The following OXSR1 variants were observed in gnomAD, a reference collection of about 807,000 sequenced individuals.
OXSR1 encodes the protein serine/threonine-protein kinase OSR1.
In OXSR1, 24 loss-of-function variants were observed where a neutral mutation model predicts 79.8. The observed-to-expected ratio is 0.30, with a 90% CI of 0.22 to 0.42. The LOEUF (loss-of-function observed/expected upper bound fraction) is 0.42. Among genes scored for constraint, OXSR1 ranks in the 10% least tolerant of loss-of-function variants. OXSR1 has a pLI of 1.00. For synonymous variants in OXSR1, 226 were observed against 209.2 expected (o/e 1.08, Z -0.69); for missense variants, 430 against 618.4 (o/e 0.70, Z 3.23).
At chr3:38,197,881 ATCTTT>A (rs376243535) in intron 3 of OXSR1, among the ~76,000 whole-genome samples, 10 of 152,246 alleles carry the variant, frequency 6.6e-5, no homozygotes, top group African/African-American at 2.4e-4. Flanking sequence ...TGGGTATTGA[ATCTTT>A]TCTTTGCAGT....
upstream of OXSR1, chr3:38,165,092 G>A (rs1701410185): frequency 6.6e-6 from 1 of 152,294 alleles, no homozygotes; most frequent in East Asian, 1.9e-4. Context: ...AGCTCTTGAA[G>A]GGCTGCAGCC....
intron 16 of OXSR1, 23 bp downstream of exon 16, chr3:38,251,494 A>ATGTGCTCC (rs749161795): frequency 1.3e-6 from 2 of 1,584,678 alleles, no homozygotes; most frequent in East Asian, 4.5e-5. Context: ...CGTTCTGCTC[A>ATGTGCTCC]TGTGCTCCTG....
intron 10 of OXSR1, among the ~76,000 whole-genome samples, chr3:38,232,207 C>G (rs568420517): frequency 6.6e-6 from 1 of 151,802 alleles, no homozygotes; most frequent in African/African-American, 2.4e-5. Flanking sequence ...ATAGCTTGAT[C>G]GCAGGAGTTC....
rs769847615 is a variant in OXSR1, at chr3:38,242,749, C to T, written c.1081C>T (p.Arg361Ter). 2.6e-6 allele frequency: 4 copies of T among 1,561,124 alleles called. No individual in the cohort carries two copies. The highest frequency in any genetic ancestry group is 3.5e-6 in the Non-Finnish European group (4 of 1,142,716). The change falls in exon 12 of 18, where the codon CGA (arginine) becomes TGA (stop). Residue 361 changes from arginine (R) to a stop codon, truncating the protein, a stop_gained. Coordinates refer to ENST00000311806, the MANE Select transcript of OXSR1 (RefSeq NM_005109.3). LOFTEE classifies it high-confidence loss of function. Reference sequence around the variant, plus strand: ...CTTTTTGTATTTCGTTTAGTCTCCCCGAGTGAAAGAATCAATATCAAATTC... The same window carrying T: ...CTTTTTGTATTTCGTTTAGTCTCCCTGAGTGAAAGAATCAATATCAAATTC... ...KAAISQLRSP[R>*]VKESISNSEL... is the part of the protein sequence containing the mutation.
At chr3:38,239,174 T>C (rs921999894) in intron 11 of OXSR1, among the ~76,000 whole-genome samples, 1 of 152,196 alleles carries the variant, frequency 6.6e-6, no homozygotes, top group African/African-American at 2.4e-5. Context: ...ACAGCTATGA[T>C]AACTATTTTA....
chr3:38,204,193 G>A (rs191338087), intron 4 of OXSR1, among the ~76,000 whole-genome samples: 1 of 152,234 alleles, frequency 6.6e-6, no homozygotes, highest in African/African-American at 2.4e-5. Flanking sequence ...CAGTCAGCTT[G>A]GGGTGAATGC....
intron 10 of OXSR1, among the ~76,000 whole-genome samples, chr3:38,230,970 T>C (rs1702793939): frequency 6.6e-6 from 1 of 152,196 alleles, no homozygotes; most frequent in African/African-American, 2.4e-5. Context: ...TTTTCCTCAC[T>C]CTTACTTCTC....
At chr3:38,229,654 A>T in intron 8 of OXSR1, 33 bp from the exon 9 acceptor site, 1 of 1,582,388 alleles carries the variant, frequency 6.3e-7, no homozygotes, top group Non-Finnish European at 8.6e-7. Context: ...AATTAATTAT[A>T]AAAACTTTTC....
intron 8 of OXSR1, chr3:38,224,959 A>G (rs562382403): frequency 5.9e-4 from 127 of 214,316 alleles, no homozygotes; most frequent in African/African-American, 2.1e-3. Flanking sequence ...TTCTGTATTA[A>G]TAAATGCCAA....
rs1277010252 is a variant in OXSR1, at chr3:38,237,017, C to T, written c.1074+56C>T. On this transcript the variant is annotated intron_variant, in intron 11 of 17. Coordinates refer to ENST00000311806, the MANE Select transcript of OXSR1 (RefSeq NM_005109.3). ...AGAACTTTTTGTAGTTCTTGTTCAG[C>T]TTAACCAGCTAAAATATAAAGAATA... 9 of 1,465,226 alleles carry T rather than the reference C, an allele frequency of 6.1e-6. No individual in the cohort carries two copies. The Admixed American group carries it at 1.8e-4, about 29-fold the overall frequency. 90.8% of individuals were successfully genotyped at this position (1,465,226 alleles called of 1,614,324 possible).
At chr3:38,214,448 G>T (rs2125830861) in intron 4 of OXSR1, among the ~76,000 whole-genome samples, 1 of 152,230 alleles carries the variant, frequency 6.6e-6, no homozygotes. Flanking sequence ...TAACATTATA[G>T]TACAGCCTTC....
At chr3:38,214,613 T>G (rs1204929210) in intron 4 of OXSR1, among the ~76,000 whole-genome samples, 1 of 152,264 alleles carries the variant, frequency 6.6e-6, no homozygotes, top group Non-Finnish European at 1.5e-5. Flanking sequence ...CTCTCCTGTT[T>G]GTAGTGACTA....
At chr3:38,220,891 T>A (rs958395177) in intron 5 of OXSR1, among the ~76,000 whole-genome samples, 1 of 152,186 alleles carries the variant, frequency 6.6e-6, no homozygotes, top group Admixed American at 6.5e-5. Flanking sequence ...CAGGCAGTCC[T>A]CCTCATCAGT....
At chr3:38,206,622 A>G (rs1479169629) in intron 4 of OXSR1, among the ~76,000 whole-genome samples, 1 of 152,206 alleles carries the variant, frequency 6.6e-6, no homozygotes, top group African/African-American at 2.4e-5. Context: ...AGATACTTTC[A>G]TCGGTGTTCT....
intron 1 of OXSR1, among the ~76,000 whole-genome samples, chr3:38,167,013 AG>A (rs1470432411): frequency 6.6e-6 from 1 of 152,174 alleles, no homozygotes; most frequent in African/African-American, 2.4e-5. Flanking sequence ...ATAGAGATGC[AG>A]TGGCCTTGAG....
At chr3:38,171,090 A>G (rs1413201022) in intron 1 of OXSR1, among the ~76,000 whole-genome samples, 1 of 152,056 alleles carries the variant, frequency 6.6e-6, no homozygotes, top group African/African-American at 2.4e-5. Context: ...GGAAGTATCT[A>G]TCCTTAGAGT....
intron 4 of OXSR1, among the ~76,000 whole-genome samples, chr3:38,204,777 G>T (rs543953393): frequency 5.9e-5 from 9 of 151,934 alleles, no homozygotes; most frequent in South Asian, 2.1e-4. Flanking sequence ...GCTGCCTGGG[G>T]TGGGGGGAAG....
At chr3:38,189,337 G>A (rs1397957979) in intron 2 of OXSR1, among the ~76,000 whole-genome samples, 1 of 151,904 alleles carries the variant, frequency 6.6e-6, no homozygotes, top group East Asian at 1.9e-4. Context: ...CCTCTTATGT[G>A]TACTTACCTT....
chr3:38,250,496 C>T (rs917432787), intron 15 of OXSR1, among the ~76,000 whole-genome samples: 1 of 152,184 alleles, frequency 6.6e-6, no homozygotes, highest in African/African-American at 2.4e-5. Flanking sequence ...GGTCTGCAGT[C>T]TCCTCTCTCC....
Sources: allele counts gnomAD v4.1 joint callset (sites outside exome capture counted in the v4.1 genomes callset), GRCh38; gene constraint gnomAD v4.1.1; transcripts MANE v1.5; gene names NCBI Gene and HGNC (gene_info 2026-07-23, HGNC 2026-07-21).